KCNC2: variants seen among roughly 807,000 people sequenced by gnomAD.
The protein encoded by KCNC2 is voltage-gated potassium channel KCNC2.
Under a neutral mutation model 44.5 loss-of-function variants are expected in KCNC2, and 21 were observed. The ratio of observed to expected loss-of-function variants is 0.47; its 90% CI spans 0.33 to 0.68. KCNC2 has a LOEUF of 0.68. KCNC2 is among the 30% of genes least tolerant of loss of function. The pLI, the probability that KCNC2 is intolerant of heterozygous loss-of-function variation, is 0.01. For synonymous variants in KCNC2, 391 were observed against 339.1 expected (o/e 1.15, Z -1.68); for missense variants, 589 against 826.2 (o/e 0.71, Z 3.52).
At chr12:75,187,403 C>T (rs183333115) in intron 2 of KCNC2, among the ~76,000 whole-genome samples, 1 of 152,324 alleles carries the variant, frequency 6.6e-6, no homozygotes, top group Non-Finnish European at 1.5e-5. Context: ...TTACCAAACA[C>T]TGGAAAATCA....
chr12:75,140,408 T>C (rs956836169), intron 2 of KCNC2, among the ~76,000 whole-genome samples: 5 of 152,230 alleles, frequency 3.3e-5, no homozygotes, highest in African/African-American at 1.2e-4. Context: ...ATGATAATTA[T>C]TTTGTAAATG....
At chr12:75,094,860 C>A (rs993416603) in intron 2 of KCNC2, among the ~76,000 whole-genome samples, 6 of 151,696 alleles carry the variant, frequency 4.0e-5, no homozygotes, top group African/African-American at 1.4e-4. Flanking sequence ...ATCCCTCCTG[C>A]AAAGATATTA....
intron 3 of KCNC2, among the ~76,000 whole-genome samples, chr12:75,049,418 C>T (rs551690630): frequency 6.6e-6 from 1 of 151,874 alleles, no homozygotes; most frequent in African/African-American, 2.4e-5. Context: ...ATCAATAAAC[C>T]CTACATTTTC....
intron 2 of KCNC2, among the ~76,000 whole-genome samples, chr12:75,191,014 A>C (rs1166203693): frequency 6.6e-6 from 1 of 152,140 alleles, no homozygotes; most frequent in Non-Finnish European, 1.5e-5. Flanking sequence ...TATACCTATG[A>C]TTAATGTACT....
chr12:75,093,557 T>C (rs960930447), intron 2 of KCNC2, among the ~76,000 whole-genome samples: 38 of 151,708 alleles, frequency 2.5e-4, no homozygotes, highest in African/African-American at 9.2e-4. Context: ...TAATTTTGTC[T>C]AGCGGTATTA....
intron 2 of KCNC2, among the ~76,000 whole-genome samples, chr12:75,067,294 C>A (rs933926369): frequency 1.3e-5 from 2 of 152,166 alleles, no homozygotes; most frequent in Admixed American, 6.5e-5. Context: ...TAGTTTGTGG[C>A]AAAGTCTCTA....
rs5799200 is a variant in KCNC2 at position 75,075,458 on chromosome 12, C to CATATATATATATAT, written c.688-24155_688-24142dup. Among the ~76,000 whole-genome samples the CATATATATATATAT allele has an allele frequency of 9.6e-3, 1,398 of 145,262 alleles. 14 individuals are homozygous for CATATATATATATAT. The highest frequency in any genetic ancestry group is 0.019 in the South Asian group (88 of 4,624). ...TTCTCAGGAGAGAAATATATATATACATATATATATATATATATATATATA... is the reference window on the plus strand; with the variant it reads ...TTCTCAGGAGAGAAATATATATATACATATATATATATATATATATATATATATATATATATATA... On this transcript the variant is annotated intron_variant, in intron 2 of 4. Coordinates refer to ENST00000549446, the MANE Select transcript of KCNC2 (RefSeq NM_139137.4).
At chr12:75,202,459 A>G (rs1258904639) in intron 2 of KCNC2, among the ~76,000 whole-genome samples, 1 of 151,842 alleles carries the variant, frequency 6.6e-6, no homozygotes, top group East Asian at 1.9e-4. Flanking sequence ...TTCAATGCTT[A>G]GGTGGAAAGT....
intron 2 of KCNC2, among the ~76,000 whole-genome samples, chr12:75,185,615 C>CA (rs1565674966): frequency 6.6e-6 from 1 of 151,580 alleles, no homozygotes; most frequent in Admixed American, 6.6e-5. Context: ...AACCATAATC[C>CA]AAAAAAATTT....
At chr12:75,055,387 A>G (rs1409148155) in intron 2 of KCNC2, among the ~76,000 whole-genome samples, 3 of 152,162 alleles carry the variant, frequency 2.0e-5, no homozygotes, top group Non-Finnish European at 4.4e-5. Flanking sequence ...AATGTCGTCA[A>G]TAGTACCTTC....
intron 2 of KCNC2, among the ~76,000 whole-genome samples, chr12:75,195,392 T>C (rs1462113603): frequency 6.6e-6 from 1 of 152,158 alleles, no homozygotes; most frequent in Admixed American, 6.6e-5. Context: ...CCAAATATTA[T>C]AGTGTTAAAT....
intron 2 of KCNC2, among the ~76,000 whole-genome samples, chr12:75,060,481 T>C: frequency 6.6e-6 from 1 of 152,124 alleles, no homozygotes; most frequent in East Asian, 1.9e-4. Flanking sequence ...ATTTTTATTT[T>C]TTGAGACAAG....
chr12:75,117,091 A>G (rs1437515523), intron 2 of KCNC2, among the ~76,000 whole-genome samples: 1 of 127,886 alleles, frequency 7.8e-6, no homozygotes, highest in Non-Finnish European at 1.6e-5. Context: ...TTGTGGTTTA[A>G]AAAAAAAATA....
chr12:75,067,272 G>A (rs1406227354), intron 2 of KCNC2, among the ~76,000 whole-genome samples: 2 of 152,138 alleles, frequency 1.3e-5, no homozygotes, highest in African/African-American at 2.4e-5. Context: ...CACGTGTTTA[G>A]AGTTGCCTTT....
intron 2 of KCNC2, among the ~76,000 whole-genome samples, chr12:75,101,416 C>G (rs892491871): frequency 1.3e-5 from 2 of 152,040 alleles, no homozygotes; most frequent in African/African-American, 4.8e-5. Context: ...TACTAAGAAG[C>G]CACATCTTGT....
intron 2 of KCNC2, among the ~76,000 whole-genome samples, chr12:75,149,523 A>G (rs1890245237): frequency 6.6e-6 from 1 of 151,908 alleles, no homozygotes; most frequent in African/African-American, 2.4e-5. Context: ...CCAGTCCTCT[A>G]AGAAGCCACA....
At chr12:75,206,511 G>C (rs1383114412) in intron 2 of KCNC2, among the ~76,000 whole-genome samples, 1 of 152,148 alleles carries the variant, frequency 6.6e-6, no homozygotes, top group Non-Finnish European at 1.5e-5. Flanking sequence ...AATATTAAAA[G>C]TAAAATAAAG....
chr12:75,168,600 A>C (rs897310695), intron 2 of KCNC2, among the ~76,000 whole-genome samples: 1 of 151,560 alleles, frequency 6.6e-6, no homozygotes, highest in Non-Finnish European at 1.5e-5. Context: ...GAGAACCACA[A>C]ATGGTGAAAA....
intron 2 of KCNC2, among the ~76,000 whole-genome samples, chr12:75,100,051 G>T (rs1277669173): frequency 6.6e-6 from 1 of 152,174 alleles, no homozygotes; most frequent in African/African-American, 2.4e-5. Flanking sequence ...CCTGAGTGGG[G>T]CTTTTACTCC....
Sources: gnomAD v4.1 joint callset for allele counts (sites outside exome capture counted in the v4.1 genomes callset) on GRCh38, gnomAD v4.1.1 for gene constraint, MANE v1.5 for transcripts, NCBI Gene and HGNC (gene_info 2026-07-23, HGNC 2026-07-21) for gene names.